EBF1: variants seen among roughly 807,000 people sequenced by gnomAD.
EBF1 encodes the protein transcription factor COE1.
In EBF1, 10 loss-of-function variants were observed where a neutral mutation model predicts 68.4. That is an observed-to-expected ratio of 0.15 (90% CI 0.09 to 0.25). The LOEUF (loss-of-function observed/expected upper bound fraction) is 0.25. EBF1 is among the 10% of genes least tolerant of loss of function. EBF1 has a pLI of 1.00. For missense variants in EBF1, 509 were observed against 794.4 expected (o/e 0.64, Z 4.32); for synonymous variants, 298 against 299.8 (o/e 0.99, Z 0.06).
At chr5:158,811,072 T>C (rs1477682887) in intron 8 of EBF1, among the ~76,000 whole-genome samples, 2 of 152,182 alleles carry the variant, frequency 1.3e-5, no homozygotes, top group South Asian at 2.1e-4. Context: ...CTGATAACAA[T>C]GATGACCACC....
chr5:158,998,912 T>C (rs948473855), intron 6 of EBF1, among the ~76,000 whole-genome samples: 1 of 152,100 alleles, frequency 6.6e-6, no homozygotes, highest in African/African-American at 2.4e-5. Flanking sequence ...TTATGTATGC[T>C]TTTCACCTAG....
At chr5:158,743,234 G>T (rs1766815439) in intron 10 of EBF1, among the ~76,000 whole-genome samples, 1 of 152,184 alleles carries the variant, frequency 6.6e-6, no homozygotes, top group African/African-American at 2.4e-5. Flanking sequence ...TATCTGAGTT[G>T]GGTATGGAAA....
chr5:159,057,840 G>A (rs1775055153), intron 6 of EBF1, among the ~76,000 whole-genome samples: 1 of 152,134 alleles, frequency 6.6e-6, no homozygotes, highest in South Asian at 2.1e-4. Context: ...CTATGTATTA[G>A]CGTTCTTAAG....
At chr5:158,896,162 T>C (rs977281470) in intron 6 of EBF1, among the ~76,000 whole-genome samples, 3 of 152,186 alleles carry the variant, frequency 2.0e-5, no homozygotes, top group African/African-American at 7.2e-5. Flanking sequence ...AAATAAAATA[T>C]TCCTTAATCA....
At chr5:158,959,268 A>C (rs1477508139) in intron 6 of EBF1, among the ~76,000 whole-genome samples, 1 of 151,890 alleles carries the variant, frequency 6.6e-6, no homozygotes, top group Non-Finnish European at 1.5e-5. Context: ...AAAAATATAA[A>C]GAAAAACTCT....
chr5:158,945,167 A>G (rs1561588319), intron 6 of EBF1, among the ~76,000 whole-genome samples: 4 of 152,154 alleles, frequency 2.6e-5, no homozygotes, highest in African/African-American at 9.7e-5. Context: ...CCTAAATGGT[A>G]TTGCCTAGAT....
intron 6 of EBF1, among the ~76,000 whole-genome samples, chr5:159,052,415 A>G (rs1773932648): frequency 6.6e-6 from 1 of 152,066 alleles, no homozygotes; most frequent in Admixed American, 6.5e-5. Flanking sequence ...CTGTATTAAA[A>G]GATTGCTTGT....
At chr5:159,055,919 A>G (rs1774655973) in intron 6 of EBF1, among the ~76,000 whole-genome samples, 1 of 152,230 alleles carries the variant, frequency 6.6e-6, no homozygotes, top group Non-Finnish European at 1.5e-5. Flanking sequence ...CATTTATTGA[A>G]TAAATTAACA....
At chr5:158,801,872 A>G (rs1432491964) in intron 8 of EBF1, among the ~76,000 whole-genome samples, 2 of 152,158 alleles carry the variant, frequency 1.3e-5, no homozygotes, top group Admixed American at 6.6e-5. Context: ...GATTTACAGA[A>G]TAAGTGTTAC....
At chr5:158,936,596 G>A (rs1311905569) in intron 6 of EBF1, among the ~76,000 whole-genome samples, 1 of 152,162 alleles carries the variant, frequency 6.6e-6, no homozygotes, top group Non-Finnish European at 1.5e-5. Flanking sequence ...ACATTTGCAA[G>A]CTCACAATCC....
Position 158,696,859 on chromosome 5 carries a change from G to T in EBF1, c.*2252C>A. On this transcript the variant is annotated 3_prime_UTR_variant, in exon 16 of 16. Transcript: ENST00000313708. Reference sequence around the variant, plus strand: ...ACTAGAAAAAGTTACATTGTCTTAAGGTAACAAAACAGTTCTTTTGTGCTT... The same window carrying T: ...ACTAGAAAAAGTTACATTGTCTTAATGTAACAAAACAGTTCTTTTGTGCTT... The T allele has an allele frequency of 5.0e-6, 1 of 198,364 alleles. No homozygotes were observed. 12.3% of individuals were successfully genotyped at this position (198,364 alleles called of 1,614,324 possible). A position where few individuals can be genotyped will look rare whatever the true frequency, so the allele number is the denominator to read the frequency against.
rs1219424319 is a variant in EBF1, at chr5:158,698,655, C to CT, written c.*455dup. ...TCCCATACAAGCTTTTTTTTTTTTC[C>CT]TTTTTTTCTTTTTTTTTTTTTTTAC... is the stretch of plus-strand genomic sequence containing the variant. On this transcript the variant is annotated 3_prime_UTR_variant, in exon 16 of 16. Coordinates refer to ENST00000313708, the MANE Select transcript of EBF1 (RefSeq NM_024007.5). 1 of 131,212 alleles carries CT rather than the reference C, an allele frequency of 7.6e-6. No individual in the cohort carries two copies. Among genetic ancestry groups the CT allele is most frequent in the African/African-American group, 3.2e-5 (1 of 31,052 alleles). 8.1% of individuals were successfully genotyped at this position (131,212 alleles called of 1,614,324 possible). A position where few individuals can be genotyped will look rare whatever the true frequency, so the allele number is the denominator to read the frequency against.
At chr5:158,708,245 T>A (rs978086819) in intron 14 of EBF1, 72 bp from the exon 15 acceptor site, 12 of 1,467,156 alleles carry the variant, frequency 8.2e-6, no homozygotes, top group African/African-American at 1.4e-5. Context: ...CTCAGATCCA[T>A]CCCTCACCCA....
At chr5:159,001,274 T>A (rs922014226) in intron 6 of EBF1, among the ~76,000 whole-genome samples, 17 of 152,214 alleles carry the variant, frequency 1.1e-4, no homozygotes, top group Admixed American at 2.6e-4. Flanking sequence ...AAATTTTTTT[T>A]AATTTCTCAT....
chr5:158,856,691 C>A (rs1024883123), intron 6 of EBF1, among the ~76,000 whole-genome samples: 1 of 152,230 alleles, frequency 6.6e-6, no homozygotes. Flanking sequence ...CTCACCCTGC[C>A]TCCATTCCTG....
At chr5:159,017,393 A>G (rs1038454799) in intron 6 of EBF1, among the ~76,000 whole-genome samples, 1 of 152,252 alleles carries the variant, frequency 6.6e-6, no homozygotes, top group Non-Finnish European at 1.5e-5. Context: ...CCCTGGGTTC[A>G]AATTCTCCAA....
intron 5 of EBF1, among the ~76,000 whole-genome samples, chr5:159,081,112 C>T (rs1048200526): frequency 3.3e-5 from 5 of 152,128 alleles, no homozygotes; most frequent in Non-Finnish European, 7.3e-5. Context: ...CCCTGAGTAG[C>T]TGGGAATACA....
intron 6 of EBF1, among the ~76,000 whole-genome samples, chr5:158,953,627 G>A (rs1388037438): frequency 1.3e-5 from 2 of 152,180 alleles, no homozygotes; most frequent in African/African-American, 4.8e-5. Context: ...GCAAATCACA[G>A]TTTGGAAAGA....
chr5:158,848,658 A>C (rs1792007172), intron 6 of EBF1, among the ~76,000 whole-genome samples: 1 of 152,198 alleles, frequency 6.6e-6, no homozygotes. Context: ...ACCAGTCACT[A>C]CTTTTGTGTG....
Sources: allele counts gnomAD v4.1 joint callset (sites outside exome capture counted in the v4.1 genomes callset), GRCh38; gene constraint gnomAD v4.1.1; transcripts MANE v1.5; gene names NCBI Gene and HGNC (gene_info 2026-07-23, HGNC 2026-07-21).